ODF2: variants seen among roughly 807,000 people sequenced by gnomAD.
ODF2 encodes outer dense fiber of sperm tails 2.
ODF2 carries 47 observed loss-of-function variants against 110.2 expected under a neutral mutation model. That is an observed-to-expected ratio of 0.43 (90% CI 0.34 to 0.54). ODF2 has a LOEUF of 0.54. ODF2 is among the 20% of genes least tolerant of loss of function. The pLI is 0.03. For synonymous variants in ODF2, 352 were observed against 397.7 expected, an observed-to-expected ratio of 0.89 and a Z score of 1.37; for missense variants, 812 against 1,054.5, an observed-to-expected ratio of 0.77 and a Z score of 3.19.
chr9:128,456,672 C>A, intron 1 of ODF2: 1 of 1,452,446 alleles, frequency 6.9e-7, no homozygotes. Flanking sequence ...TCTCCTCGGG[C>A]CTCCACATGG....
chr9:128,473,456 C>T (rs1840529018), intron 7 of ODF2, among the ~76,000 whole-genome samples, 154 bp from the exon 8 acceptor site: 1 of 151,998 alleles, frequency 6.6e-6, no homozygotes, highest in African/African-American at 2.4e-5. Flanking sequence ...TTAGGTCCAC[C>T]GCTTCCAGGA....
exon 21 of ODF2, chr9:128,500,236 C>A: frequency 6.2e-7 from 1 of 1,614,192 alleles, no homozygotes; most frequent in African/African-American, 1.3e-5. Flanking sequence ...CCCATCCGCT[C>A]CCGATCTCCT....
chr9:128,487,910 A>G (rs776268615), exon 14 of ODF2: 2 of 1,614,074 alleles, frequency 1.2e-6, no homozygotes, highest in East Asian at 2.2e-5. Flanking sequence ...GATCTTGTAA[A>G]CCAACAACAA....
At position 128,468,017 on chromosome 9, in the gene ODF2, G is replaced by A. The variant is rs1038434529; in HGVS notation, c.250-1166G>A. ...GCCCTAAAATATTTTTTATACTGAC[G>A]TATTTAAAAAGTATTGTATTTTTTT... is the stretch of plus-strand genomic sequence containing the variant. On this transcript the variant is annotated intron_variant, in intron 4 of 20. Transcript: ENST00000604420. Among the ~76,000 whole-genome samples, 4 of 151,900 alleles carry A rather than the reference G, an allele frequency of 2.6e-5. No homozygotes were observed. In the South Asian group the frequency reaches 6.2e-4, roughly 24 times the overall value.
At chr9:128,480,905 T>A (rs900705057) in intron 8 of ODF2, among the ~76,000 whole-genome samples, 3 of 152,044 alleles carry the variant, frequency 2.0e-5, no homozygotes, top group African/African-American at 7.2e-5. Context: ...CCTTTCCCCT[T>A]CCCCCAGAGA....
intron 4 of ODF2, 133 bp downstream of exon 4, chr9:128,461,200 A>G (rs1342382241): frequency 4.5e-6 from 5 of 1,101,160 alleles, no homozygotes; most frequent in Non-Finnish European, 6.5e-6. Context: ...GGGCCTTGCT[A>G]AACCCTGAAA....
intron 1 of ODF2, 36 bp downstream of exon 1, chr9:128,456,291 C>T (rs926407817): frequency 1.3e-6 from 2 of 1,514,598 alleles, no homozygotes; most frequent in Non-Finnish European, 8.8e-7. Context: ...CCAGCGCCCT[C>T]CGGGGCACCG....
intron 6 of ODF2, among the ~76,000 whole-genome samples, chr9:128,472,334 A>G (rs1840238324): frequency 6.6e-6 from 1 of 152,166 alleles, no homozygotes; most frequent in South Asian, 2.1e-4. Context: ...CAGCCTCCCA[A>G]GTAACTGGAA....
chr9:128,478,529 C>G (rs982925089), intron 8 of ODF2, among the ~76,000 whole-genome samples: 7 of 150,716 alleles, frequency 4.6e-5, no homozygotes, highest in African/African-American at 1.7e-4. Flanking sequence ...ACCCGGGAGG[C>G]AGAGGTTACA....
chr9:128,455,968 G>T, upstream of ODF2: 1 of 1,412,030 alleles, frequency 7.1e-7, no homozygotes. Flanking sequence ...ACGTCTCCTT[G>T]GTGACGGGAC....
exon 18 of ODF2, chr9:128,496,125 G>T (rs1358263558): frequency 1.9e-6 from 3 of 1,613,882 alleles, no homozygotes; most frequent in Non-Finnish European, 2.5e-6. Flanking sequence ...GAGTCTGAAG[G>T]TGGATGAACT....
At chr9:128,481,585 T>A in exon 9 of ODF2, 1 of 1,613,472 alleles carries the variant, frequency 6.2e-7, no homozygotes, top group Non-Finnish European at 8.5e-7. Flanking sequence ...TGAAGGATTC[T>A]GAAAGACTAA....
chr9:128,476,845 C>T (rs1209182349), intron 8 of ODF2, among the ~76,000 whole-genome samples: 1 of 150,436 alleles, frequency 6.6e-6, no homozygotes, highest in Non-Finnish European at 1.5e-5. Context: ...CACTGTGTTG[C>T]TCAGGCTGGT....
rs1299696974 is a variant in ODF2 at position 128,482,894 on chromosome 9, T to C, written c.987+7T>C. 1.3e-6 allele frequency: 2 copies of C among 1,499,168 alleles called. No individual in the cohort carries two copies. Among genetic ancestry groups the C allele is most frequent in the East Asian group, 4.8e-5 (2 of 42,092 alleles). The allele number at this position is 1,499,168 out of a possible 1,614,324, so 92.9% of individuals were successfully genotyped here. The stretch of plus-strand genomic sequence containing the variant: ...GGAAATACAATGTGAGAAGGTAGTG[T>C]GCTTTTTTTTTTTTTTTTTTTAGAC... On this transcript the variant is annotated splice_region_variant and intron_variant, in intron 10 of 20. Transcript: ENST00000604420.
chr9:128,482,980 C>T, intron 10 of ODF2, 93 bp downstream of exon 10: 3 of 954,556 alleles, frequency 3.1e-6, no homozygotes, highest in South Asian at 3.1e-5. Flanking sequence ...GCTGCAACCT[C>T]TGCCTCCCGG....
intron 8 of ODF2, 56 bp downstream of exon 8, chr9:128,473,797 C>A: frequency 2.0e-6 from 3 of 1,504,690 alleles, no homozygotes; most frequent in Non-Finnish European, 2.8e-6. Context: ...CCTCTCTGAG[C>A]CTTTCTCCTT....
At chr9:128,459,856 A>G (rs1835959305) in intron 3 of ODF2, among the ~76,000 whole-genome samples, 199 bp downstream of exon 2, 1 of 152,196 alleles carries the variant, frequency 6.6e-6, no homozygotes, top group Admixed American at 6.6e-5. Context: ...GTGTGAGGAA[A>G]TTGTCTTAGA....
chr9:128,483,763 G>A (rs1416015091), intron 10 of ODF2, among the ~76,000 whole-genome samples, 175 bp from the exon 11 acceptor site: 2 of 151,980 alleles, frequency 1.3e-5, no homozygotes, highest in South Asian at 2.1e-4. Context: ...GCACGTGACT[G>A]TAACCCCAGC....
chr9:128,496,254 G>C (rs780463638), intron 18 of ODF2, 113 bp downstream of exon 18: 3 of 1,547,604 alleles, frequency 1.9e-6, no homozygotes, highest in Middle Eastern at 1.7e-4. Context: ...GGCCCTGGAA[G>C]GTACTAGGCA....
Sources: gnomAD v4.1 joint callset for allele counts (sites outside exome capture counted in the v4.1 genomes callset) on GRCh38, gnomAD v4.1.1 for gene constraint, MANE v1.5 for transcripts, NCBI Gene and HGNC (gene_info 2026-07-23, HGNC 2026-07-21) for gene names.